ANKRD28: variants seen among roughly 807,000 people sequenced by gnomAD.
ANKRD28 encodes ankyrin repeat domain 28.
Under a neutral mutation model 126.5 loss-of-function variants are expected in ANKRD28, and 44 were observed. That is an observed-to-expected ratio of 0.35 (90% CI 0.27 to 0.45). The LOEUF (loss-of-function observed/expected upper bound fraction) is 0.45. Ranked by LOEUF, ANKRD28 falls within the 20% of genes least tolerant of loss-of-function variation. The pLI is 1.00. For missense variants in ANKRD28, 1,110 were observed against 1,316.6 expected, an observed-to-expected ratio of 0.84 and a Z score of 2.43; for synonymous variants, 442 against 468.5, an observed-to-expected ratio of 0.94 and a Z score of 0.73.
At chr3:15,680,704 T>A (rs542175639) in intron 21 of ANKRD28, among the ~76,000 whole-genome samples, 1 of 152,306 alleles carries the variant, frequency 6.6e-6, no homozygotes, top group East Asian at 1.9e-4. Flanking sequence ...CTTGCTCTGT[T>A]GCCCAAGTTG....
At chr3:15,682,205 ATTAT>A (rs2067621512) in intron 21 of ANKRD28, among the ~76,000 whole-genome samples, 2 of 152,256 alleles carry the variant, frequency 1.3e-5, no homozygotes, top group Non-Finnish European at 2.9e-5. Flanking sequence ...ATAAAAAAAG[ATTAT>A]TTATGTTAAC....
chr3:15,793,470 G>A (rs540914650), intron 2 of ANKRD28, among the ~76,000 whole-genome samples: 220 of 152,186 alleles, frequency 1.4e-3, no homozygotes, highest in African/African-American at 4.9e-3. Flanking sequence ...CAATGACTCT[G>A]AATTTTTTTT....
Position 15,741,697 on chromosome 3 carries a change from C to CTTTTTTTTTTTTTTTTTTTT in ANKRD28, c.352-4484_352-4465dup, listed in dbSNP as rs58655271. On this transcript the variant is annotated intron_variant, in intron 4 of 27. Coordinates refer to ENST00000683139, the MANE Select transcript of ANKRD28 (RefSeq NM_001349278.2). The stretch of plus-strand genomic sequence containing the variant: ...ACCAGTTTTCCCCTTTGGTTCTATC[C>CTTTTTTTTTTTTTTTTTTTT]TTTTTTTTTTTTTTTTTTTTTTTTT... Among the ~76,000 whole-genome samples the CTTTTTTTTTTTTTTTTTTTT allele has an allele frequency of 4.2e-4, 14 of 33,662 alleles. 1 individual carries two copies. The highest frequency in any genetic ancestry group is 8.1e-4 in the African/African-American group (9 of 11,128). The allele number at this position is 33,662 out of a possible 152,430, so 22.1% of individuals were successfully genotyped here.
chr3:15,832,368 A>C (rs1054260766), intron 1 of ANKRD28, among the ~76,000 whole-genome samples: 3 of 152,172 alleles, frequency 2.0e-5, no homozygotes, highest in Non-Finnish European at 4.4e-5. Flanking sequence ...TGCTGAGCAA[A>C]AGTGTCTCTC....
intron 3 of ANKRD28, among the ~76,000 whole-genome samples, chr3:15,765,665 C>T (rs2058700765): frequency 6.6e-6 from 1 of 152,026 alleles, no homozygotes; most frequent in African/African-American, 2.4e-5. Context: ...CATGGTGAAA[C>T]CCCGTCTCTA....
intron 18 of ANKRD28, among the ~76,000 whole-genome samples, chr3:15,689,342 G>A (rs2068512589): frequency 6.6e-6 from 1 of 152,192 alleles, no homozygotes; most frequent in African/African-American, 2.4e-5. Flanking sequence ...CTGGAGAAAT[G>A]CCTTCAAAGA....
intron 5 of ANKRD28, among the ~76,000 whole-genome samples, chr3:15,736,670 G>C (rs2075037263): frequency 6.6e-6 from 1 of 152,168 alleles, no homozygotes; most frequent in Non-Finnish European, 1.5e-5. Context: ...TTGACTAAAT[G>C]TTAATAAACT....
chr3:15,811,620 A>AAT, intron 1 of ANKRD28, among the ~76,000 whole-genome samples: 2 of 151,974 alleles, frequency 1.3e-5, no homozygotes, highest in East Asian at 4.0e-4. Flanking sequence ...ATGCCCAGCT[A>AAT]ATTTTTGTAT....
chr3:15,849,480 T>C (rs562826351), intron 1 of ANKRD28, among the ~76,000 whole-genome samples: 2 of 152,270 alleles, frequency 1.3e-5, no homozygotes, highest in East Asian at 3.9e-4. Flanking sequence ...ATTAGAGAAA[T>C]TGTAGTTTTC....
chr3:15,775,660 A>G lies in ANKRD28; in HGVS notation c.202-9348T>C, dbSNP rs142320620. Among the ~76,000 whole-genome samples, 564 of 152,338 alleles carry G rather than the reference A, an allele frequency of 3.7e-3. 6 individuals are homozygous for G. Among genetic ancestry groups the G allele is most frequent in the Non-Finnish European group, 4.5e-3 (303 of 68,030 alleles). On this transcript the variant is annotated intron_variant, in intron 2 of 27. Coordinates refer to ENST00000683139, the MANE Select transcript of ANKRD28 (RefSeq NM_001349278.2). ...TTTATTTATATTTACTGATGTATTAATAACACAAAAAAGGGTACAGATGAA... is the reference window on the plus strand; with the variant it reads ...TTTATTTATATTTACTGATGTATTAGTAACACAAAAAAGGGTACAGATGAA...
intron 4 of ANKRD28, among the ~76,000 whole-genome samples, chr3:15,747,878 T>C (rs2057587502): frequency 6.6e-6 from 1 of 152,210 alleles, no homozygotes; most frequent in South Asian, 2.1e-4. Flanking sequence ...GCTCCAGTGT[T>C]AGGAGCATAC....
At chr3:15,762,570 T>C (rs889649634) in intron 3 of ANKRD28, among the ~76,000 whole-genome samples, 8 of 152,206 alleles carry the variant, frequency 5.3e-5, no homozygotes, top group Admixed American at 1.3e-4. Flanking sequence ...TAAATTATTT[T>C]TCATTTTCCC....
chr3:15,782,066 T>C (rs938577719), intron 2 of ANKRD28, among the ~76,000 whole-genome samples: 2 of 152,138 alleles, frequency 1.3e-5, no homozygotes, highest in African/African-American at 4.8e-5. Flanking sequence ...CCACTGTATT[T>C]CTAAGTTATG....
intron 1 of ANKRD28, among the ~76,000 whole-genome samples, chr3:15,807,169 T>C (rs548811316): frequency 1.4e-4 from 21 of 152,308 alleles, no homozygotes; most frequent in South Asian, 1.2e-3. Flanking sequence ...TGTCATGCAG[T>C]AGAAGTGGAA....
intron 2 of ANKRD28, among the ~76,000 whole-genome samples, chr3:15,784,696 C>T (rs1025073564): frequency 1.3e-5 from 2 of 151,852 alleles, no homozygotes; most frequent in African/African-American, 4.8e-5. Flanking sequence ...CTAAAAACAC[C>T]AATTAAAAGA....
At chr3:15,859,180 C>T (rs940509691) in intron 1 of ANKRD28, among the ~76,000 whole-genome samples, 3 of 152,330 alleles carry the variant, frequency 2.0e-5, no homozygotes, top group African/African-American at 7.2e-5. Context: ...GTGGGCTTCA[C>T]CCAGGCCCCG....
intron 2 of ANKRD28, among the ~76,000 whole-genome samples, chr3:15,779,939 A>G (rs1010637990): frequency 3.3e-5 from 5 of 152,214 alleles, no homozygotes; most frequent in African/African-American, 1.2e-4. Flanking sequence ...AGGTCCTGTA[A>G]AGGCCAAAAA....
intron 4 of ANKRD28, among the ~76,000 whole-genome samples, chr3:15,742,005 C>A (rs901231235): frequency 2.6e-5 from 4 of 152,140 alleles, no homozygotes; most frequent in Non-Finnish European, 5.9e-5. Flanking sequence ...TCCCGAGGTG[C>A]CGGGATTGCA....
chr3:15,806,898 T>C (rs903835716), intron 1 of ANKRD28, among the ~76,000 whole-genome samples: 8 of 152,208 alleles, frequency 5.3e-5, no homozygotes, highest in Non-Finnish European at 1.2e-4. Context: ...TTGTTAATAT[T>C]AGGCCTATCC....
Sources: allele counts gnomAD v4.1 joint callset (sites outside exome capture counted in the v4.1 genomes callset), GRCh38; gene constraint gnomAD v4.1.1; transcripts MANE v1.5; gene names NCBI Gene and HGNC (gene_info 2026-07-23, HGNC 2026-07-21).